The following PHLPP1 variants were observed in gnomAD, a reference collection of about 807,000 sequenced individuals.
The protein encoded by PHLPP1 is PH domain and leucine rich repeat protein phosphatase 1.
In PHLPP1, 42 loss-of-function variants were observed where a neutral mutation model predicts 117.2. That is an observed-to-expected ratio of 0.36 (90% CI 0.28 to 0.46). The LOEUF (loss-of-function observed/expected upper bound fraction) is 0.46, where lower values mean the gene tolerates loss of function less well. Among genes scored for constraint, PHLPP1 ranks in the 20% least tolerant of loss-of-function variants. The pLI is 1.00. For missense variants in PHLPP1, 2,084 were observed against 2,241.9 expected (o/e 0.93, Z 1.42); for synonymous variants, 1,042 against 970.7 (o/e 1.07, Z -1.37).
At chr18:62,791,725 C>T (rs888502022) in intron 1 of PHLPP1, among the ~76,000 whole-genome samples, 1 of 152,182 alleles carries the variant, frequency 6.6e-6, no homozygotes, top group African/African-American at 2.4e-5. Context: ...GGATTTACAA[C>T]AGTAGGGAAC....
chr18:62,826,063 G>C (rs934573587), intron 1 of PHLPP1, among the ~76,000 whole-genome samples: 2 of 152,076 alleles, frequency 1.3e-5, no homozygotes, highest in African/African-American at 4.8e-5. Flanking sequence ...TCTTGTTATT[G>C]AGTGATTTCA....
intron 6 of PHLPP1, among the ~76,000 whole-genome samples, chr18:62,902,645 T>C (rs1189776394): frequency 6.6e-6 from 1 of 152,230 alleles, no homozygotes; most frequent in Admixed American, 6.5e-5. Flanking sequence ...TCCTAGTTCT[T>C]TGGAAGTCAG....
chr18:62,815,446 C>T (rs117388777), intron 1 of PHLPP1, among the ~76,000 whole-genome samples: 3,559 of 152,170 alleles, frequency 0.023, 52 homozygotes, highest in Middle Eastern at 0.058. Flanking sequence ...CTTGAGCCAC[C>T]GCGCCCGGCC....
Position 62,746,125 on chromosome 18 carries a change from C to G in PHLPP1, c.1576+28866C>G, listed in dbSNP as rs554324207. On this transcript the variant is annotated intron_variant, in intron 1 of 16. Transcript: ENST00000262719. ...ATGGCGTGATCTTGGCTCACCGCAA[C>G]CTCCCCCTCCCGGGTTCAAGCGATT... Among the ~76,000 whole-genome samples, 11 of 152,158 alleles carry G rather than the reference C, an allele frequency of 7.2e-5. No homozygotes were observed. The South Asian group carries it at 2.3e-3, about 32-fold the overall frequency.
At position 62,716,529 on chromosome 18, in the gene PHLPP1, G is replaced by A; in HGVS notation, c.846G>A (p.Pro282=). The change falls in exon 1 of 17, where the codon CCG becomes CCA. Residue 282 remains proline (P), a synonymous_variant. Transcript: ENST00000262719. This position sits in a 1 kb window ranked among gnomAD's most constrained non-coding sequence, Gnocchi z 5.7. ...CGGAGCCGCGGGACTCGGAGGTACC[G>A]CCCGCGAGGAGCGCGCCGGGTGCCT... ...APPEPRDSEV[P]PARSAPGAFG... The A allele has an allele frequency of 2.5e-6, 3 of 1,183,426 alleles. No homozygotes were observed. The highest frequency in any genetic ancestry group is 3.1e-6 in the Non-Finnish European group (3 of 957,650). 73.3% of individuals were successfully genotyped at this position (1,183,426 alleles called of 1,614,324 possible).
chr18:62,860,381 A>G (rs1915601466), intron 3 of PHLPP1, 54 bp from the exon 4 acceptor site: 1 of 1,407,238 alleles, frequency 7.1e-7, no homozygotes, highest in Non-Finnish European at 1.0e-6. Flanking sequence ...TATCCATAGA[A>G]AGTAGTTATA....
At chr18:62,817,844 C>T (rs1386470421) in intron 1 of PHLPP1, among the ~76,000 whole-genome samples, 1 of 139,492 alleles carries the variant, frequency 7.2e-6, no homozygotes, top group African/African-American at 2.6e-5. Context: ...TTAAGAATGG[C>T]AACAGACTTT....
intron 12 of PHLPP1, among the ~76,000 whole-genome samples, chr18:62,954,986 A>G (rs1284464843): frequency 6.6e-6 from 1 of 152,220 alleles, no homozygotes; most frequent in Non-Finnish European, 1.5e-5. Context: ...AACAGCAGCA[A>G]TCCCTGCTCT....
intron 10 of PHLPP1, among the ~76,000 whole-genome samples, 184 bp downstream of exon 10, chr18:62,920,298 A>G (rs536770123): frequency 1.3e-5 from 2 of 152,284 alleles, no homozygotes; most frequent in East Asian, 1.9e-4. Context: ...GGAGCAACCT[A>G]TAGATTCTTT....
intron 12 of PHLPP1, among the ~76,000 whole-genome samples, chr18:62,951,964 A>G (rs1382614839): frequency 2.6e-5 from 4 of 151,686 alleles, no homozygotes; most frequent in Admixed American, 6.6e-5. Context: ...ACAGGTGCCC[A>G]CCACCTCACC....
chr18:62,939,616 T>C (rs1368521284), intron 10 of PHLPP1, among the ~76,000 whole-genome samples: 2 of 150,498 alleles, frequency 1.3e-5, no homozygotes, highest in African/African-American at 4.9e-5. Flanking sequence ...ATTTATGGTC[T>C]GGATAGCCGT....
Position 62,717,036 on chromosome 18 carries a change from C to A in PHLPP1, c.1353C>A (p.Thr451=). 6.5e-7 allele frequency: 1 copy of A among 1,546,210 alleles called. No individual in the cohort carries two copies. The highest frequency in any genetic ancestry group is 8.7e-7 in the Non-Finnish European group (1 of 1,146,252). Residue 451 remains threonine (T), a synonymous_variant, in exon 1 of 17, where the codon ACC becomes ACA. Coordinates refer to ENST00000262719, the MANE Select transcript of PHLPP1 (RefSeq NM_194449.4). ...TGGCCCCGGGAGGCCTCCAGTCTAC[C>A]CCCGGGAGGAGCGGGGTGACCGCGG... ...AAVAPGGLQS[T]PGRSGVTAEK... is the part of the protein sequence containing the mutation.
chr18:62,890,288 A>ATG, intron 4 of PHLPP1, among the ~76,000 whole-genome samples: 1 of 151,684 alleles, frequency 6.6e-6, no homozygotes, highest in South Asian at 2.1e-4. Context: ...TTGTTTTGAG[A>ATG]TGGAGTCTTG....
intron 1 of PHLPP1, among the ~76,000 whole-genome samples, chr18:62,742,259 C>G (rs1033241470): frequency 3.3e-5 from 5 of 152,126 alleles, no homozygotes; most frequent in African/African-American, 9.7e-5. Flanking sequence ...AGAACAACCA[C>G]TTTTTCTGTT....
intron 1 of PHLPP1, among the ~76,000 whole-genome samples, chr18:62,772,083 CTG>C (rs1328946033): frequency 6.6e-6 from 1 of 152,200 alleles, no homozygotes; most frequent in East Asian, 1.9e-4. Context: ...TCTGACGTAA[CTG>C]TGCTGTGTCT....
At chr18:62,775,262 TA>T (rs1912914337) in intron 1 of PHLPP1, among the ~76,000 whole-genome samples, 1 of 152,136 alleles carries the variant, frequency 6.6e-6, no homozygotes, top group Non-Finnish European at 1.5e-5. Flanking sequence ...CACGCCCGGC[TA>T]ATTTTTTGTA....
At chr18:62,817,177 C>T (rs1257541042) in intron 1 of PHLPP1, among the ~76,000 whole-genome samples, 1 of 152,178 alleles carries the variant, frequency 6.6e-6, no homozygotes, top group Non-Finnish European at 1.5e-5. Flanking sequence ...TTCCTGGATG[C>T]AAGCAATCCT....
chr18:62,738,406 A>T (rs1009578713), intron 1 of PHLPP1, among the ~76,000 whole-genome samples: 8 of 152,334 alleles, frequency 5.3e-5, no homozygotes, highest in East Asian at 1.9e-4. Context: ...AAAAAATAAT[A>T]AAAAAATGCA....
chr18:62,806,399 T>C (rs989135360), intron 1 of PHLPP1, among the ~76,000 whole-genome samples: 2 of 152,224 alleles, frequency 1.3e-5, no homozygotes, highest in East Asian at 3.8e-4. Flanking sequence ...TGTTCTTTTC[T>C]CCTGCTTTCC....
Sources: gnomAD v4.1 joint callset for allele counts (sites outside exome capture counted in the v4.1 genomes callset) on GRCh38, gnomAD v4.1.1 for gene constraint, Gnocchi (gnomAD v3.1) non-coding constraint, MANE v1.5 for transcripts, NCBI Gene and HGNC (gene_info 2026-07-23, HGNC 2026-07-21) for gene names.